Variants in ADGRV1 observed in about 807,000 individuals in gnomAD.
ADGRV1 encodes the protein adhesion G protein-coupled receptor V1.
A neutral mutation model predicts 596.2 loss-of-function variants in ADGRV1; 359 were observed. The ratio of observed to expected loss-of-function variants is 0.60; its 90% CI spans 0.55 to 0.66. ADGRV1 has a LOEUF of 0.66. Ranked by LOEUF, ADGRV1 falls within the 30% of genes least tolerant of loss-of-function variation. The probability of loss-of-function intolerance (pLI) is 0.00; values close to 1 mark genes in which losing one functional copy is unlikely to be tolerated. For missense variants in ADGRV1, 7,274 were observed against 7,575.6 expected (o/e 0.96, Z 1.48); for synonymous variants, 2,681 against 2,679.2 (o/e 1.00, Z -0.02).
intron 83 of ADGRV1, among the ~76,000 whole-genome samples, chr5:90,879,192 C>T (rs1769510288): frequency 1.3e-5 from 2 of 152,170 alleles, no homozygotes; most frequent in Non-Finnish European, 2.9e-5. Flanking sequence ...GAGCAGAGCC[C>T]AGCCAAGGTT....
Position 90,756,609 on chromosome 5 carries a change from T to A in ADGRV1, c.11736T>A (p.Ile3912=). 1 of 1,613,668 alleles carries A rather than the reference T, an allele frequency of 6.2e-7. No homozygotes were observed. The highest frequency in any genetic ancestry group is 8.5e-7 in the Non-Finnish European group (1 of 1,179,664). Reference sequence around the variant, plus strand: ...AAGAAAATGACGATCCCAGAGGAATTTTTATGTTTCATGTTACTAGAGTGA... The same window carrying A: ...AAGAAAATGACGATCCCAGAGGAATATTTATGTTTCATGTTACTAGAGTGA... ...MIEENDDPRG[I]FMFHVTRGAG... Residue 3912 remains isoleucine (I), a synonymous_variant, in exon 56 of 90, where the codon ATT becomes ATA. Coordinates refer to ENST00000405460, the MANE Select transcript of ADGRV1 (RefSeq NM_032119.4).
At chr5:91,035,861 T>TATATTATATATATATATATA in intron 85 of ADGRV1, among the ~76,000 whole-genome samples, 1 of 96,400 alleles carries the variant, frequency 1.0e-5, no homozygotes, top group African/African-American at 3.8e-5. Flanking sequence ...TATATATATA[T>TATATTATATATATATATATA]TATATATATA....
intron 21 of ADGRV1, among the ~76,000 whole-genome samples, chr5:90,668,788 A>AT (rs538875737): frequency 2.6e-5 from 4 of 152,160 alleles, no homozygotes; most frequent in African/African-American, 4.8e-5. Context: ...ATGAATAGTG[A>AT]TTTTTTTAAA....
At chr5:90,559,369 G>C (rs75095828) in intron 1 of ADGRV1, among the ~76,000 whole-genome samples, 1 of 152,100 alleles carries the variant, frequency 6.6e-6, no homozygotes, top group Non-Finnish European at 1.5e-5. Context: ...AAGGAGACTT[G>C]TTTGTGTTCC....
intron 22 of ADGRV1, 167 bp downstream of exon 22, chr5:90,672,889 C>G: frequency 1.8e-6 from 1 of 543,534 alleles, no homozygotes; most frequent in Middle Eastern, 4.2e-4. Context: ...GCTGTAAAAC[C>G]TTTATCAGGT....
At chr5:90,586,646 G>T (rs750955845) in intron 1 of ADGRV1, among the ~76,000 whole-genome samples, 5 of 152,214 alleles carry the variant, frequency 3.3e-5, no homozygotes, top group Non-Finnish European at 5.9e-5. Flanking sequence ...TTTTGGGCAA[G>T]AATGCTACAT....
At chr5:90,993,943 T>C (rs941450282) in intron 85 of ADGRV1, among the ~76,000 whole-genome samples, 2 of 151,898 alleles carry the variant, frequency 1.3e-5, no homozygotes, top group East Asian at 3.8e-4. Flanking sequence ...TCCTCAGACA[T>C]GGTAACCACA....
In ADGRV1 at chr5:90,694,065, T is replaced by C. The variant is rs1746849328; in HGVS notation, c.7309T>C (p.Tyr2437His). Residue 2437 changes from tyrosine (Y) to histidine (H), a missense_variant, in exon 33 of 90, where the codon TAT becomes CAT. Transcript: ENST00000405460. ...MNVSAVGEPL[Y>H]TCATLCLKEQ... ...TGTCTCTGCCGTGGGGGAGCCCCTG[T>C]ATACCTGTGCCACTTTGTGCCTTAA... is the stretch of plus-strand genomic sequence containing the variant. 1.2e-6 allele frequency: 2 copies of C among 1,613,746 alleles called. No individual in the cohort carries two copies. Among genetic ancestry groups the C allele is most frequent in the Non-Finnish European group, 1.7e-6 (2 of 1,179,856 alleles).
intron 71 of ADGRV1, among the ~76,000 whole-genome samples, chr5:90,804,008 A>ATG (rs971969552): frequency 2.0e-5 from 3 of 151,978 alleles, no homozygotes; most frequent in African/African-American, 4.8e-5. Flanking sequence ...GTGTGCACGC[A>ATG]TGTGTGTGTG....
chr5:90,588,293 T>C (rs1364143282), intron 1 of ADGRV1, among the ~76,000 whole-genome samples: 1 of 152,236 alleles, frequency 6.6e-6, no homozygotes, highest in East Asian at 1.9e-4. Flanking sequence ...CTGAATATAC[T>C]TTCTTATATA....
chr5:90,569,858 C>T (rs1316836766), intron 1 of ADGRV1, among the ~76,000 whole-genome samples: 3 of 152,064 alleles, frequency 2.0e-5, no homozygotes, highest in Non-Finnish European at 2.9e-5. Context: ...ATTTCTGCCC[C>T]TGCTTTGTGC....
In ADGRV1 at chr5:90,783,172, G is replaced by T; in HGVS notation, c.13280G>T (p.Gly4427Val). The change falls in exon 66 of 90, where the codon GGA becomes GTA. Residue 4427 changes from glycine to valine, a missense_variant. This residue lies in a region of ADGRV1 where 3,643 missense variants were observed against 3,809.2 expected (regional missense o/e 0.96). Transcript: ENST00000405460. ...LIMIPVVRLHGTYGYVTADFI... is the reference protein window; with the variant it reads ...LIMIPVVRLHVTYGYVTADFI... ...ATGATCCCAGTGGTGAGGCTACATG[G>T]AACTTATGGCTATGTGACAGCTGAT... 2 of 1,613,676 alleles carry T rather than the reference G, an allele frequency of 1.2e-6. No homozygotes were observed. Among genetic ancestry groups the T allele is most frequent in the Non-Finnish European group, 1.7e-6 (2 of 1,179,668 alleles).
chr5:90,770,448 C>T (rs184841177), intron 59 of ADGRV1, among the ~76,000 whole-genome samples: 6 of 152,164 alleles, frequency 3.9e-5, no homozygotes, highest in Non-Finnish European at 4.4e-5. Flanking sequence ...AGGTTCATGG[C>T]GTGGAATGTG....
At chr5:90,758,643 T>C (rs1756106524) in intron 57 of ADGRV1, among the ~76,000 whole-genome samples, 1 of 152,224 alleles carries the variant, frequency 6.6e-6, no homozygotes, top group African/African-American at 2.4e-5. Context: ...GAGTGTGATA[T>C]CCAGGTTTTT....
intron 2 of ADGRV1, among the ~76,000 whole-genome samples, chr5:90,616,030 G>C (rs1763325169): frequency 6.6e-6 from 1 of 151,918 alleles, no homozygotes; most frequent in Admixed American, 6.6e-5. Flanking sequence ...CTGAATTACT[G>C]TGCTTTTCTG....
chr5:90,757,210 T>G, intron 57 of ADGRV1, 49 bp downstream of exon 57: 2 of 1,487,598 alleles, frequency 1.3e-6, no homozygotes, highest in South Asian at 2.3e-5. Flanking sequence ...GCTTCAGACA[T>G]TTTGTAGGCA....
rs568042172 is a variant in ADGRV1 at position 90,704,874 on chromosome 5, G to A, written c.8386+386G>A. ...TCACCAGGCTGGAGTGCAGTGGCGC[G>A]ATCTCGGTTCACTGCAGCCGCCGCC... On this transcript the variant is annotated intron_variant, in intron 36 of 89. Transcript: ENST00000405460. 1.3e-3 allele frequency among the ~76,000 whole-genome samples: 191 copies of A among 151,912 alleles called. 1 individual carries two copies. Among genetic ancestry groups the A allele is most frequent in the African/African-American group, 3.9e-3 (161 of 41,412 alleles).
chr5:90,624,487 C>T (rs1442181898), intron 5 of ADGRV1, among the ~76,000 whole-genome samples: 1 of 152,058 alleles, frequency 6.6e-6, no homozygotes, highest in Non-Finnish European at 1.5e-5. Flanking sequence ...TTGCCATATA[C>T]TGTTGTAAGT....
chr5:90,795,618 G>A (rs1178152731), intron 70 of ADGRV1, among the ~76,000 whole-genome samples: 5 of 152,184 alleles, frequency 3.3e-5, no homozygotes, highest in Admixed American at 6.5e-5. Context: ...AGAGAGCAGT[G>A]GATCTCCCAG....
Sources: allele counts gnomAD v4.1 joint callset (sites outside exome capture counted in the v4.1 genomes callset), GRCh38; gene constraint gnomAD v4.1.1; regional missense constraint gnomAD v4.1.1; transcripts MANE v1.5; gene names NCBI Gene and HGNC (gene_info 2026-07-23, HGNC 2026-07-21).